RHBDL3: variants seen among roughly 807,000 people sequenced by gnomAD.
RHBDL3 encodes the protein rhomboid like 3.
In RHBDL3, 28 loss-of-function variants were observed where a neutral mutation model predicts 48.2. That is an observed-to-expected ratio of 0.58 (90% CI 0.43 to 0.80). RHBDL3 has a LOEUF of 0.80. Among genes scored for constraint, RHBDL3 ranks in the 30% least tolerant of loss-of-function variants. The pLI is 0.00. For synonymous variants in RHBDL3, 208 were observed against 232.3 expected (o/e 0.90, Z 0.95); for missense variants, 464 against 542.7 (o/e 0.85, Z 1.44).
intron 2 of RHBDL3, among the ~76,000 whole-genome samples, chr17:32,271,265 C>T (rs963256376): frequency 6.6e-6 from 1 of 152,182 alleles, no homozygotes; most frequent in Non-Finnish European, 1.5e-5. Context: ...ATGCTAGCAT[C>T]ACTTATTAAG....
rs145382463 is a variant in RHBDL3 at position 32,288,865 on chromosome 17, T to C, written c.368T>C (p.Leu123Pro). 1.3e-4 allele frequency: 216 copies of C among 1,614,196 alleles called. No homozygotes were observed. The African/African-American group carries it at 2.5e-3, about 19-fold the overall frequency. Residue 123 changes from leucine (L) to proline (P), a missense_variant, in exon 4 of 9, where the codon CTG becomes CCG. Physicochemically the swap from Leu to Pro is moderately conservative, Grantham distance 98. Transcript: ENST00000269051. Reference sequence around the variant, plus strand: ...AACCGCAGGCTAAGCAGCAAGGCCCTGCTGGAGGAGAAGGGGCTGAGCCTC... The same window carrying C: ...AACCGCAGGCTAAGCAGCAAGGCCCCGCTGGAGGAGAAGGGGCTGAGCCTC... ...QGNRRLSSKA[L>P]LEEKGLSLSQ...
intron 7 of RHBDL3, among the ~76,000 whole-genome samples, chr17:32,312,201 C>T (rs920114866): frequency 6.6e-6 from 1 of 152,084 alleles, no homozygotes; most frequent in Non-Finnish European, 1.5e-5. Context: ...TTTGGGAGGC[C>T]GAGGAAGGTG....
intron 7 of RHBDL3, among the ~76,000 whole-genome samples, chr17:32,313,768 T>TTTC (rs1240837920): frequency 6.9e-6 from 1 of 144,250 alleles, no homozygotes; most frequent in Non-Finnish European, 1.5e-5. Context: ...TTTTTTTTTT[T>TTTC]TTTTTTTGAG....
intron 7 of RHBDL3, 104 bp downstream of exon 7, chr17:32,305,545 C>A (rs2150740644): frequency 3.7e-6 from 3 of 804,928 alleles, no homozygotes; most frequent in Non-Finnish European, 6.5e-6. Context: ...ACCAGGCAGA[C>A]CTGACCTGGA....
intron 2 of RHBDL3, among the ~76,000 whole-genome samples, chr17:32,274,075 G>C (rs2039838924): frequency 6.6e-6 from 1 of 152,200 alleles, no homozygotes; most frequent in South Asian, 2.1e-4. Context: ...AGCCCCAGTT[G>C]GGGTTCCTTC....
intron 6 of RHBDL3, among the ~76,000 whole-genome samples, chr17:32,303,099 C>A (rs1055410387): frequency 7.2e-5 from 11 of 152,222 alleles, no homozygotes; most frequent in African/African-American, 2.4e-4. Flanking sequence ...TGACCCCTGG[C>A]CCTAGGGTCA....
intron 4 of RHBDL3, among the ~76,000 whole-genome samples, chr17:32,292,069 CCAT>C (rs1258298061): frequency 6.6e-6 from 1 of 151,994 alleles, no homozygotes; most frequent in Admixed American, 6.5e-5. Flanking sequence ...TGTGCCCAGC[CCAT>C]ACCTGAGATA....
intron 2 of RHBDL3, among the ~76,000 whole-genome samples, chr17:32,271,664 A>G (rs1472367109): frequency 1.3e-5 from 2 of 152,238 alleles, no homozygotes; most frequent in Non-Finnish European, 2.9e-5. Flanking sequence ...TGTTTAATGA[A>G]CAAAAGAGTT....
chr17:32,321,226 C>G lies in RHBDL3; in HGVS notation c.1212C>G (p.Pro404=), dbSNP rs192685079. ...TGGACTTAAAGCTGCCGCCTCCCCC[C>G]TGAGGGCTGGAGGCCCAAGGTCGGG... The part of the protein sequence containing the change: ...TLLDLKLPPP[P] Residue 404 remains proline (P), a synonymous_variant, in exon 9 of 9, where the codon CCC becomes CCG. Coordinates refer to ENST00000269051, the MANE Select transcript of RHBDL3 (RefSeq NM_138328.3). 39 of 1,614,222 alleles carry G rather than the reference C, an allele frequency of 2.4e-5. No individual in the cohort carries two copies. In the East Asian group the frequency reaches 3.3e-4, roughly 14 times the overall value.
intron 2 of RHBDL3, among the ~76,000 whole-genome samples, chr17:32,268,947 T>C (rs1482730941): frequency 6.6e-6 from 1 of 152,050 alleles, no homozygotes; most frequent in Non-Finnish European, 1.5e-5. Context: ...ACAGTGAGGA[T>C]GGACGGGAAG....
chr17:32,283,065 T>G (rs1476549342), intron 2 of RHBDL3, among the ~76,000 whole-genome samples: 1 of 152,218 alleles, frequency 6.6e-6, no homozygotes, highest in Non-Finnish European at 1.5e-5. Flanking sequence ...GGTTTGGTAT[T>G]CCGGACTCCC....
At chr17:32,269,309 C>T (rs2039712311) in intron 2 of RHBDL3, among the ~76,000 whole-genome samples, 2 of 152,214 alleles carry the variant, frequency 1.3e-5, no homozygotes, top group African/African-American at 4.8e-5. Flanking sequence ...GATCGTGCTA[C>T]TGCACTCCAA....
Position 32,321,581 on chromosome 17 carries a change from C to T in RHBDL3, c.*352C>T. ...ACTGCTGCGGATTGAGCAGCAGCTT[C>T]TTCCTCCTCCTCTACCCTCAGAGAC... On this transcript the variant is annotated 3_prime_UTR_variant, in exon 9 of 9. Transcript: ENST00000269051. 2 of 425,782 alleles carry T rather than the reference C, an allele frequency of 4.7e-6. No homozygotes were observed. Among genetic ancestry groups the T allele is most frequent in the South Asian group, 4.3e-5 (2 of 46,578 alleles). The allele number at this position is 425,782 out of a possible 1,614,324, so 26.4% of individuals were successfully genotyped here.
At chr17:32,307,583 C>G (rs2150743533) in intron 7 of RHBDL3, among the ~76,000 whole-genome samples, 1 of 152,308 alleles carries the variant, frequency 6.6e-6, no homozygotes, top group South Asian at 2.1e-4. Context: ...GAGTACCTGC[C>G]TATACTTGCT....
At chr17:32,310,692 G>A (rs1241684357) in intron 7 of RHBDL3, among the ~76,000 whole-genome samples, 1 of 150,144 alleles carries the variant, frequency 6.7e-6, no homozygotes, top group African/African-American at 2.5e-5. Context: ...CAGCCTGGGC[G>A]ACAGATAGAG....
intron 2 of RHBDL3, among the ~76,000 whole-genome samples, chr17:32,273,699 T>TA (rs1212963390): frequency 6.6e-6 from 1 of 152,142 alleles, no homozygotes; most frequent in African/African-American, 2.4e-5. Flanking sequence ...TTTAAACAAG[T>TA]AAAAAATAAA....
chr17:32,302,265 T>G (rs1019076095), intron 6 of RHBDL3, among the ~76,000 whole-genome samples: 1 of 152,228 alleles, frequency 6.6e-6, no homozygotes, highest in Admixed American at 6.5e-5. Flanking sequence ...ACTGTGTTTA[T>G]GTGTACACAG....
chr17:32,276,836 T>TACTCCGGCCCTAGCACAGA (rs1216490973), intron 2 of RHBDL3, among the ~76,000 whole-genome samples: 1 of 91,652 alleles, frequency 1.1e-5, no homozygotes. Flanking sequence ...CCTAGCACCT[T>TACTCCGGCCCTAGCACAGA]ACTCCGGCCC....
chr17:32,283,435 T>A (rs958451640), intron 2 of RHBDL3, among the ~76,000 whole-genome samples: 2 of 148,762 alleles, frequency 1.3e-5, no homozygotes, highest in African/African-American at 5.0e-5. Flanking sequence ...CATACTCTCC[T>A]GCCTCAGCCT....
Sources: gnomAD v4.1 joint callset for allele counts (sites outside exome capture counted in the v4.1 genomes callset) on GRCh38, gnomAD v4.1.1 for gene constraint, MANE v1.5 for transcripts, NCBI Gene and HGNC (gene_info 2026-07-23, HGNC 2026-07-21) for gene names.